TMCC1: variants seen among roughly 807,000 people sequenced by gnomAD.
The protein encoded by TMCC1 is transmembrane and coiled-coil domain family 1, also known as transmembrane and coiled-coil domains protein 1.
TMCC1 carries 15 observed loss-of-function variants against 52.4 expected under a neutral mutation model. The ratio of observed to expected loss-of-function variants is 0.29; its 90% CI spans 0.19 to 0.44. The LOEUF is 0.44. TMCC1 is among the 20% of genes least tolerant of loss of function. TMCC1 has a pLI of 1.00. For missense variants in TMCC1, 503 were observed against 806.0 expected (o/e 0.62, Z 4.55); for synonymous variants, 279 against 301.9 (o/e 0.92, Z 0.79).
At chr3:129,765,448 A>AAG in intron 4 of TMCC1, among the ~76,000 whole-genome samples, 1 of 152,182 alleles carries the variant, frequency 6.6e-6, no homozygotes, top group East Asian at 1.9e-4. Flanking sequence ...CAGGGCCCTG[A>AAG]AGAGAGGTAG....
chr3:129,659,090 C>A (rs1038062364), intron 5 of TMCC1, among the ~76,000 whole-genome samples: 1 of 142,228 alleles, frequency 7.0e-6, no homozygotes, highest in South Asian at 2.2e-4. Context: ...CTTTTTCTTT[C>A]TTTCTTTTTT....
intron 4 of TMCC1, among the ~76,000 whole-genome samples, chr3:129,762,208 G>T (rs1417460755): frequency 6.6e-6 from 1 of 151,752 alleles, no homozygotes; most frequent in Non-Finnish European, 1.5e-5. Context: ...CAGCTAGTTT[G>T]TTATAATTTT....
At chr3:129,769,638 G>A (rs1266885779) in intron 4 of TMCC1, among the ~76,000 whole-genome samples, 1 of 150,092 alleles carries the variant, frequency 6.7e-6, no homozygotes, top group African/African-American at 2.5e-5. Context: ...CCAATGTGGT[G>A]TAGGGAAGTC....
At position 129,775,243 on chromosome 3, in the gene TMCC1, G is replaced by A. The variant is rs532147668; in HGVS notation, c.576+52560C>T. 6.6e-5 allele frequency among the ~76,000 whole-genome samples: 10 copies of A among 152,114 alleles called. No homozygotes were observed. In the South Asian group the frequency reaches 1.0e-3, roughly 16 times the overall value. ...GAGGATCACTTGAGCCCGCAAGTTC[G>A]AGACCTGCCTGGGCAACAAAGCATG... On this transcript the variant is annotated intron_variant, in intron 4 of 6. Coordinates refer to ENST00000393238, the MANE Select transcript of TMCC1 (RefSeq NM_001017395.5).
At chr3:129,792,016 GAA>G (rs2056501089) in intron 4 of TMCC1, among the ~76,000 whole-genome samples, 1 of 151,930 alleles carries the variant, frequency 6.6e-6, no homozygotes, top group South Asian at 2.1e-4. Context: ...AGAAATTAAA[GAA>G]ATTTAAAGAT....
chr3:129,705,713 C>T (rs1195723928), intron 4 of TMCC1, among the ~76,000 whole-genome samples: 1 of 151,050 alleles, frequency 6.6e-6, no homozygotes, highest in Non-Finnish European at 1.5e-5. Flanking sequence ...CGCCATTCTC[C>T]TCTTGAGTAG....
chr3:129,695,280 T>G (rs2047331026), intron 4 of TMCC1, among the ~76,000 whole-genome samples: 1 of 152,120 alleles, frequency 6.6e-6, no homozygotes, highest in African/African-American at 2.4e-5. Flanking sequence ...TGAAGTTATC[T>G]GATTGAATAA....
At chr3:129,869,933 T>C (rs1372123012) in intron 2 of TMCC1, among the ~76,000 whole-genome samples, 1 of 152,208 alleles carries the variant, frequency 6.6e-6, no homozygotes, top group Non-Finnish European at 1.5e-5. Context: ...ATCTCATAAA[T>C]GTCCCACTAT....
chr3:129,756,116 GAAAAAA>G (rs981964423), intron 4 of TMCC1, among the ~76,000 whole-genome samples: 1 of 117,988 alleles, frequency 8.5e-6, no homozygotes, highest in Non-Finnish European at 1.9e-5. Flanking sequence ...AAAAAAAAAA[GAAAAAA>G]AAAGAAAGAA....
At chr3:129,765,583 G>C (rs945603491) in intron 4 of TMCC1, among the ~76,000 whole-genome samples, 21 of 152,154 alleles carry the variant, frequency 1.4e-4, no homozygotes, top group African/African-American at 5.1e-4. Flanking sequence ...ACTATGAGTG[G>C]TAGATAAAAC....
At chr3:129,820,882 GCACTGTTCA>G (rs2058382807) in intron 4 of TMCC1, among the ~76,000 whole-genome samples, 4 of 152,180 alleles carry the variant, frequency 2.6e-5, no homozygotes, top group Admixed American at 2.6e-4. Context: ...CTACTTTTAA[GCACTGTTCA>G]GAGGTTAGTA....
At chr3:129,658,177 C>T (rs888488466) in intron 5 of TMCC1, among the ~76,000 whole-genome samples, 2 of 152,170 alleles carry the variant, frequency 1.3e-5, no homozygotes, top group African/African-American at 4.8e-5. Flanking sequence ...ACATAAAACA[C>T]AAATGTGAAC....
At chr3:129,726,898 A>AAAAAAAAAAAAAAAAG (rs2050149290) in intron 4 of TMCC1, among the ~76,000 whole-genome samples, 1 of 141,356 alleles carries the variant, frequency 7.1e-6, no homozygotes, top group Admixed American at 7.1e-5. Context: ...AAAAAAAAAA[A>AAAAAAAAAAAAAAAAG]GAACCACTGT....
Position 129,710,224 on chromosome 3 carries a change from G to T in TMCC1, c.577-38960C>A, listed in dbSNP as rs2048570014. Among the ~76,000 whole-genome samples, 4 of 152,142 alleles carry T rather than the reference G, an allele frequency of 2.6e-5. No individual in the cohort carries two copies. The South Asian group carries it at 6.2e-4, about 24-fold the overall frequency. ...AAACAAACAAACAAACAAAAACTGT[G>T]TAAGTACTAAAAAGATCTGCTTCCA... is the stretch of plus-strand genomic sequence containing the variant. On this transcript the variant is annotated intron_variant, in intron 4 of 6. Coordinates refer to ENST00000393238, the MANE Select transcript of TMCC1 (RefSeq NM_001017395.5).
Position 129,819,935 on chromosome 3 carries a change from C to T in TMCC1, c.576+7868G>A, listed in dbSNP as rs373043696. 7.2e-5 allele frequency: 11 copies of T among 151,734 alleles called. 1 individual carries two copies. The East Asian group carries it at 1.4e-3, about 19-fold the overall frequency. 9.4% of individuals were successfully genotyped at this position (151,734 alleles called of 1,614,324 possible). A position where few individuals can be genotyped will look rare whatever the true frequency, so the allele number is the denominator to read the frequency against. On this transcript the variant is annotated intron_variant, in intron 4 of 6. Transcript: ENST00000393238. ...ACCACAAATTTAATGGTGTGTGCCA[C>T]CAAACCCAGCTAAGAATCTACTTGA...
At chr3:129,818,371 G>T (rs1344906149) in intron 4 of TMCC1, among the ~76,000 whole-genome samples, 1 of 151,700 alleles carries the variant, frequency 6.6e-6, no homozygotes, top group Non-Finnish European at 1.5e-5. Flanking sequence ...CAGTTTCAAA[G>T]AAACTTTTTA....
chr3:129,663,336 C>T (rs2087189101), intron 5 of TMCC1, among the ~76,000 whole-genome samples: 1 of 152,172 alleles, frequency 6.6e-6, no homozygotes, highest in African/African-American at 2.4e-5. Context: ...ACAGGAAGAA[C>T]TAGGTCCCAG....
chr3:129,765,033 C>T (rs1280248378), intron 4 of TMCC1, among the ~76,000 whole-genome samples: 1 of 150,304 alleles, frequency 6.7e-6, no homozygotes, highest in South Asian at 2.1e-4. Flanking sequence ...AACTCCTGGC[C>T]AAAAGCGATC....
At chr3:129,855,453 C>T (rs890828552) in intron 2 of TMCC1, among the ~76,000 whole-genome samples, 3 of 150,546 alleles carry the variant, frequency 2.0e-5, no homozygotes, top group South Asian at 2.1e-4. Context: ...CAAAAAATAA[C>T]ATTTAAAGAA....
Sources: gnomAD v4.1 joint callset for allele counts (sites outside exome capture counted in the v4.1 genomes callset) on GRCh38, gnomAD v4.1.1 for gene constraint, MANE v1.5 for transcripts, NCBI Gene and HGNC (gene_info 2026-07-23, HGNC 2026-07-21) for gene names.